RGS6: variants seen among roughly 807,000 people sequenced by gnomAD.
The protein encoded by RGS6 is regulator of G-protein signaling 6.
Under a neutral mutation model 78.5 loss-of-function variants are expected in RGS6, and 30 were observed. The ratio of observed to expected loss-of-function variants is 0.38; its 90% CI spans 0.29 to 0.52. The LOEUF is 0.52. Ranked by LOEUF, RGS6 falls within the 20% of genes least tolerant of loss-of-function variation. The probability of loss-of-function intolerance (pLI) is 0.85; values close to 1 mark genes in which losing one functional copy is unlikely to be tolerated. For missense variants in RGS6, 495 were observed against 609.7 expected (o/e 0.81, Z 1.98); for synonymous variants, 206 against 206.0 (o/e 1.00, Z 0.00).
intron 2 of RGS6, among the ~76,000 whole-genome samples, chr14:72,061,791 A>G (rs925471153): frequency 2.6e-5 from 4 of 152,228 alleles, no homozygotes; most frequent in African/African-American, 9.6e-5. Context: ...CTATTAATCA[A>G]AGTTCTTTAT....
chr14:72,316,837 A>G (rs2070392416), intron 2 of RGS6, among the ~76,000 whole-genome samples: 1 of 151,704 alleles, frequency 6.6e-6, no homozygotes, highest in African/African-American at 2.4e-5. Context: ...CAAAGTGGCC[A>G]TCTGGTAGCT....
At chr14:72,072,255 T>C (rs2094433709) in intron 2 of RGS6, among the ~76,000 whole-genome samples, 1 of 152,112 alleles carries the variant, frequency 6.6e-6, no homozygotes. Context: ...AACCCTCATT[T>C]TATTTTGGGA....
intron 2 of RGS6, among the ~76,000 whole-genome samples, chr14:71,989,605 T>A (rs2283426): frequency 2.0e-5 from 3 of 151,982 alleles, no homozygotes; most frequent in East Asian, 3.9e-4. Context: ...CTCAACCAGC[T>A]TTTAGTGGCA....
the RGS6 span, among the ~76,000 whole-genome samples, chr14:72,610,363 C>T: frequency 1.3e-5 from 2 of 152,154 alleles, no homozygotes; most frequent in South Asian, 4.2e-4. Flanking sequence ...CCATAGGAGC[C>T]ACCTGCCAAA....
chr14:72,249,239 G>T (rs775687731), intron 2 of RGS6, among the ~76,000 whole-genome samples: 4 of 152,146 alleles, frequency 2.6e-5, no homozygotes, highest in Non-Finnish European at 5.9e-5. Flanking sequence ...ATAGGGAAAG[G>T]CCTGGTTAAG....
At chr14:71,916,897 G>A in the RGS6 span, among the ~76,000 whole-genome samples, 3 of 152,346 alleles carry the variant, frequency 2.0e-5, no homozygotes, top group Admixed American at 1.3e-4. Context: ...TCAAGGAGCT[G>A]CCCAGCTGAT....
chr14:72,332,527 A>G (rs1284777834), intron 2 of RGS6, among the ~76,000 whole-genome samples: 1 of 152,236 alleles, frequency 6.6e-6, no homozygotes, highest in Non-Finnish European at 1.5e-5. Context: ...TAGGAACCCC[A>G]GAGTAGAGAC....
chr14:72,499,550 A>G (rs1161063883), intron 13 of RGS6, among the ~76,000 whole-genome samples: 1 of 152,166 alleles, frequency 6.6e-6, no homozygotes, highest in African/African-American at 2.4e-5. Flanking sequence ...CAGATATGTC[A>G]CAAGTTCAGT....
At chr14:72,265,434 C>A (rs2058873067) in intron 2 of RGS6, among the ~76,000 whole-genome samples, 1 of 152,144 alleles carries the variant, frequency 6.6e-6, no homozygotes, top group Non-Finnish European at 1.5e-5. Flanking sequence ...GGTCAGTGCC[C>A]TCAAGGGTGG....
chr14:71,993,165 G>A (rs1328320839), intron 2 of RGS6, among the ~76,000 whole-genome samples: 2 of 152,182 alleles, frequency 1.3e-5, no homozygotes, highest in Non-Finnish European at 2.9e-5. Context: ...GTAAGGTAAG[G>A]GAGGACTTAC....
chr14:71,981,567 CGCTCGGGGGTGCCTCCCAGTTAGGCT>C (rs2094456035), intron 2 of RGS6, among the ~76,000 whole-genome samples: 1 of 147,996 alleles, frequency 6.8e-6, no homozygotes, highest in Non-Finnish European at 1.5e-5. Context: ...CCAGTTAGGC[CGCTCGGGGGTGCCTCCCAGTTAGGCT>C]GCTCGGGGGT....
At chr14:71,973,020 C>T (rs753945965) in intron 2 of RGS6, among the ~76,000 whole-genome samples, 3 of 152,096 alleles carry the variant, frequency 2.0e-5, no homozygotes, top group Non-Finnish European at 4.4e-5. Flanking sequence ...TGTAAATGGA[C>T]CAGGATATCT....
At chr14:72,281,736 A>G (rs376072049) in intron 2 of RGS6, among the ~76,000 whole-genome samples, 3 of 152,186 alleles carry the variant, frequency 2.0e-5, no homozygotes, top group Admixed American at 6.5e-5. Context: ...CAAAGGCCCT[A>G]AGGCAAGAAT....
chr14:72,132,091 GT>G (rs1344650640), intron 2 of RGS6, among the ~76,000 whole-genome samples: 1 of 152,074 alleles, frequency 6.6e-6, no homozygotes, highest in Non-Finnish European at 1.5e-5. Context: ...ATATTGTCTT[GT>G]AATTATTTGT....
chr14:72,131,362 G>A (rs74060672), intron 2 of RGS6, among the ~76,000 whole-genome samples: 1 of 152,086 alleles, frequency 6.6e-6, no homozygotes, highest in African/African-American at 2.4e-5. Flanking sequence ...TTATCACCTT[G>A]TCTTAGGAAG....
intron 2 of RGS6, among the ~76,000 whole-genome samples, chr14:72,079,628 A>T (rs2094733907): frequency 6.6e-6 from 1 of 152,068 alleles, no homozygotes; most frequent in Non-Finnish European, 1.5e-5. Context: ...TGTATAACGG[A>T]TCTTTTAACT....
chr14:72,427,188 A>G (rs535917847), intron 3 of RGS6, among the ~76,000 whole-genome samples: 1 of 152,384 alleles, frequency 6.6e-6, no homozygotes, highest in African/African-American at 2.4e-5. Flanking sequence ...ATATAGCACA[A>G]TAAGATATTG....
intron 2 of RGS6, among the ~76,000 whole-genome samples, chr14:71,992,257 T>G (rs1023584896): frequency 2.0e-5 from 3 of 152,234 alleles, no homozygotes; most frequent in Non-Finnish European, 4.4e-5. Context: ...GGTCTTGAAC[T>G]CCTGACCTCA....
rs1392739750 is a variant in RGS6, at chr14:72,399,624, A to C, written c.184+47430A>C. 8.5e-5 allele frequency among the ~76,000 whole-genome samples: 13 copies of C among 152,236 alleles called. No homozygotes were observed. The Middle Eastern group carries it at 0.014, about 159-fold the overall frequency. On this transcript the variant is annotated intron_variant, in intron 3 of 17. Transcript: ENST00000553525. ...TTAGTTGATGCAGTTTCTTCCTAGC[A>C]TCAATGGTCTTTACAATTTGGCATG...
Sources: allele counts gnomAD v4.1 joint callset (sites outside exome capture counted in the v4.1 genomes callset), GRCh38; gene constraint gnomAD v4.1.1; transcripts MANE v1.5; gene names NCBI Gene and HGNC (gene_info 2026-07-23, HGNC 2026-07-21).